The following CIRSR variants were observed in gnomAD, a reference collection of about 807,000 sequenced individuals.
CIRSR encodes CBF1 (RBPJ) interacting corepressor 1.
At chr2:174,379,776 T>C in the CIRSR span, among the ~76,000 whole-genome samples, 2 of 134,506 alleles carry the variant, frequency 1.5e-5, no homozygotes, top group Non-Finnish European at 3.0e-5. Context: ...CAGGCTGGAG[T>C]GCAATGGTGC....
the CIRSR span, among the ~76,000 whole-genome samples, chr2:174,372,346 A>G: frequency 6.6e-6 from 1 of 152,212 alleles, no homozygotes; most frequent in Non-Finnish European, 1.5e-5. Context: ...ACCACTGTTA[A>G]TATTTGTCTA....
the CIRSR span, chr2:174,351,768 T>C: frequency 2.6e-6 from 4 of 1,526,032 alleles, no homozygotes; most frequent in Non-Finnish European, 3.6e-6. Context: ...TTTATATCTC[T>C]CTACCTTTTT....
chr2:174,365,092 C>T, the CIRSR span, among the ~76,000 whole-genome samples: 1 of 152,148 alleles, frequency 6.6e-6, no homozygotes, highest in Non-Finnish European at 1.5e-5. Context: ...CCCACGTCAA[C>T]TCCTGAATGC....
the CIRSR span, among the ~76,000 whole-genome samples, chr2:174,384,896 T>C: frequency 6.6e-6 from 1 of 152,218 alleles, no homozygotes; most frequent in Non-Finnish European, 1.5e-5. Context: ...AATCTTTGTA[T>C]GTATCTAGAC....
At chr2:174,389,017 C>A in the CIRSR span, among the ~76,000 whole-genome samples, 1 of 152,170 alleles carries the variant, frequency 6.6e-6, no homozygotes, top group Non-Finnish European at 1.5e-5. Context: ...AGTTTCCTGT[C>A]AATTAAACCT....
the CIRSR span, among the ~76,000 whole-genome samples, chr2:174,372,002 T>C: frequency 1.3e-5 from 2 of 152,202 alleles, no homozygotes; most frequent in African/African-American, 4.8e-5. Flanking sequence ...ATTAGAAAAT[T>C]GGTCAGTTTA....
At chr2:174,387,550 T>C in the CIRSR span, 43 of 894,788 alleles carry the variant, frequency 4.8e-5, no homozygotes, top group Non-Finnish European at 6.1e-5. Flanking sequence ...GTAAAAGAGA[T>C]AGCCCTCACG....
the CIRSR span, among the ~76,000 whole-genome samples, chr2:174,350,026 T>G: frequency 1.3e-5 from 2 of 152,224 alleles, no homozygotes; most frequent in Non-Finnish European, 2.9e-5. Context: ...CAACAATTGT[T>G]TAGTTTTATA....
the CIRSR span, among the ~76,000 whole-genome samples, chr2:174,349,532 T>A: frequency 7.8e-6 from 1 of 127,422 alleles, no homozygotes; most frequent in Admixed American, 9.5e-5. Flanking sequence ...GCCACTGCAC[T>A]CCAGCTTGGG....
chr2:174,353,803 T>C, the CIRSR span, among the ~76,000 whole-genome samples: 1 of 152,174 alleles, frequency 6.6e-6, no homozygotes, highest in African/African-American at 2.4e-5. Flanking sequence ...AATGTTTACT[T>C]TGGTGGCTTC....
At chr2:174,367,004 CAATT>C in the CIRSR span, among the ~76,000 whole-genome samples, 1 of 151,910 alleles carries the variant, frequency 6.6e-6, no homozygotes. Context: ...ATCAAATGCT[CAATT>C]AACACCAGAG....
the CIRSR span, among the ~76,000 whole-genome samples, chr2:174,369,227 A>C: frequency 6.6e-6 from 1 of 152,212 alleles, no homozygotes; most frequent in Non-Finnish European, 1.5e-5. Flanking sequence ...CAGTTTTGTT[A>C]GGGTTGTGGC....
At chr2:174,360,346 A>C in the CIRSR span, among the ~76,000 whole-genome samples, 31 of 152,150 alleles carry the variant, frequency 2.0e-4, no homozygotes, top group Non-Finnish European at 4.1e-4. Flanking sequence ...TTAAATTGTA[A>C]ATTTTTATTA....
chr2:174,378,086 A>T, the CIRSR span, among the ~76,000 whole-genome samples: 1 of 152,182 alleles, frequency 6.6e-6, no homozygotes, highest in East Asian at 1.9e-4. Context: ...CTTCATGCCC[A>T]GAGCATCTGC....
At chr2:174,380,646 C>A in the CIRSR span, 26 of 1,607,542 alleles carry the variant, frequency 1.6e-5, no homozygotes, top group Admixed American at 4.0e-4. Flanking sequence ...TAAACCAGTC[C>A]TTACTTTTCT....
the CIRSR span, chr2:174,395,657 T>C: frequency 6.2e-7 from 1 of 1,614,134 alleles, no homozygotes; most frequent in Non-Finnish European, 8.5e-7. Context: ...AGGGGCTAGA[T>C]CTGTTAGCAA....
the CIRSR span, among the ~76,000 whole-genome samples, chr2:174,376,047 G>C: frequency 6.6e-6 from 1 of 152,110 alleles, no homozygotes; most frequent in Non-Finnish European, 1.5e-5. Context: ...TTTTTGTAGA[G>C]ATGGGGTTTC....
chr2:174,387,640 T>C, the CIRSR span: 1 of 1,537,670 alleles, frequency 6.5e-7, no homozygotes, highest in South Asian at 1.2e-5. Flanking sequence ...ATTATTCCCA[T>C]GAAATTGATA....
chr2:174,349,288 A>C, the CIRSR span: 1 of 678,140 alleles, frequency 1.5e-6, no homozygotes, highest in Non-Finnish European at 2.3e-6. Context: ...TATCCATGGC[A>C]GAGCGCGCTG....
Sources: allele counts gnomAD v4.1 joint callset (sites outside exome capture counted in the v4.1 genomes callset), GRCh38; gene constraint gnomAD v4.1.1; transcripts MANE v1.5; gene names NCBI Gene and HGNC (gene_info 2026-07-23, HGNC 2026-07-21).